The following IGF1R variants were observed in gnomAD, a reference collection of about 807,000 sequenced individuals.
The protein encoded by IGF1R is insulin-like growth factor 1 receptor.
IGF1R carries 44 observed loss-of-function variants against 144.6 expected under a neutral mutation model. That is an observed-to-expected ratio of 0.30 (90% CI 0.24 to 0.39). The LOEUF is 0.39. Among genes scored for constraint, IGF1R ranks in the 10% least tolerant of loss-of-function variants. IGF1R has a pLI of 1.00. For missense variants in IGF1R, 1,355 were observed against 1,833.7 expected, an observed-to-expected ratio of 0.74 and a Z score of 4.77; for synonymous variants, 795 against 722.8, an observed-to-expected ratio of 1.10 and a Z score of -1.60.
intron 2 of IGF1R, among the ~76,000 whole-genome samples, chr15:98,779,030 T>A (rs544998506): frequency 8.5e-5 from 13 of 152,346 alleles, no homozygotes; most frequent in African/African-American, 2.9e-4. Context: ...AGATTAAAAA[T>A]TATGTTTTAT....
intron 2 of IGF1R, among the ~76,000 whole-genome samples, chr15:98,752,082 G>C (rs1370661618): frequency 6.6e-6 from 1 of 152,184 alleles, no homozygotes; most frequent in Non-Finnish European, 1.5e-5. Context: ...GGTTCTTTGC[G>C]TGCTGAGTTG....
chr15:98,650,372 C>A (rs189445337), intron 1 of IGF1R, among the ~76,000 whole-genome samples: 37 of 152,290 alleles, frequency 2.4e-4, no homozygotes, highest in Admixed American at 2.2e-3. Context: ...CGGGGCTGGG[C>A]GGTGGGGTGA....
At chr15:98,799,835 T>A (rs1221363780) in intron 2 of IGF1R, among the ~76,000 whole-genome samples, 1 of 152,174 alleles carries the variant, frequency 6.6e-6, no homozygotes, top group African/African-American at 2.4e-5. Flanking sequence ...CGAAGCCTTG[T>A]GTTTTGCAAG....
At chr15:98,888,496 C>G (rs904134552) in intron 2 of IGF1R, among the ~76,000 whole-genome samples, 21 of 150,298 alleles carry the variant, frequency 1.4e-4, no homozygotes, top group Admixed American at 8.0e-4. Flanking sequence ...TTTGTACATT[C>G]AAATTTGTGT....
At chr15:98,899,278 T>C (rs1182897794) in intron 4 of IGF1R, among the ~76,000 whole-genome samples, 199 bp from the exon 5 acceptor site, 3 of 152,200 alleles carry the variant, frequency 2.0e-5, no homozygotes, top group Non-Finnish European at 4.4e-5. Flanking sequence ...TTCCCCTGCC[T>C]GGGAGGCCTC....
rs2151739162 is a variant in IGF1R at position 98,957,506 on chromosome 15, G to A, written c.*64G>A. 3.1e-6 allele frequency: 5 copies of A among 1,602,074 alleles called. No homozygotes were observed. In the East Asian group the frequency reaches 8.9e-5, roughly 29 times the overall value. ...GCACGCGCAGCGGGGTGGGGGGGGAGAGAGAGTTTTAACAATCCATTCACA... is the reference window on the plus strand; with the variant it reads ...GCACGCGCAGCGGGGTGGGGGGGGAAAGAGAGTTTTAACAATCCATTCACA... On this transcript the variant is annotated 3_prime_UTR_variant, in exon 21 of 21. Coordinates refer to ENST00000650285, the MANE Select transcript of IGF1R (RefSeq NM_000875.5).
chr15:98,888,011 GC>G (rs1332853371), intron 2 of IGF1R, among the ~76,000 whole-genome samples: 1 of 152,178 alleles, frequency 6.6e-6, no homozygotes, highest in African/African-American at 2.4e-5. Flanking sequence ...TAACACCCAA[GC>G]CCTTGCACCC....
intron 2 of IGF1R, among the ~76,000 whole-genome samples, chr15:98,767,813 C>T (rs997311178): frequency 3.9e-5 from 6 of 152,128 alleles, no homozygotes; most frequent in Non-Finnish European, 5.9e-5. Context: ...CTGCTGGTGC[C>T]GGTAGGACAG....
Position 98,708,011 on chromosome 15 carries a change from T to C in IGF1R, c.544T>C (p.Cys182Arg). ...GCCCCCAAAGGAATGTGGGGACCTG[T>C]GTCCAGGGACCATGGAGGAGAAGCC... is the stretch of plus-strand genomic sequence containing the variant. ...NKPPKECGDL[C>R]PGTMEEKPMC... is the part of the protein sequence containing the mutation. The change falls in exon 2 of 21, where the codon TGT becomes CGT. Residue 182 changes from cysteine to arginine, a missense_variant. Physicochemically the swap from Cys to Arg is radical, Grantham distance 180. Around this residue, in one of 7 missense-constraint regions of IGF1R, gnomAD observed 880 missense variants for 1,202.7 expected, o/e 0.73. Coordinates refer to ENST00000650285, the MANE Select transcript of IGF1R (RefSeq NM_000875.5). 1 of 1,614,132 alleles carries C rather than the reference T, an allele frequency of 6.2e-7. No individual in the cohort carries two copies. The highest frequency in any genetic ancestry group is 8.5e-7 in the Non-Finnish European group (1 of 1,179,982).
rs544024149 is a variant in IGF1R, at chr15:98,704,650, A to T, written c.95-2912A>T. ...GTCATGTGTCCGCTGCACACCAAGT[A>T]CTGTTTTAGGCACTGGTGATATAAT... On this transcript the variant is annotated intron_variant, in intron 1 of 20. Coordinates refer to ENST00000650285, the MANE Select transcript of IGF1R (RefSeq NM_000875.5). This position sits in a 1 kb window ranked among gnomAD's most constrained non-coding sequence, Gnocchi z 4.9. Among the ~76,000 whole-genome samples the T allele has an allele frequency of 6.6e-6, 1 of 152,296 alleles. No homozygotes were observed. The highest frequency in any genetic ancestry group is 2.1e-4 in the South Asian group (1 of 4,818).
intron 2 of IGF1R, among the ~76,000 whole-genome samples, chr15:98,887,650 G>A (rs1431150500): frequency 2.6e-5 from 4 of 152,210 alleles, no homozygotes. Flanking sequence ...TCCAAGATGG[G>A]TGTATGCTTA....
At position 98,770,762 on chromosome 15, in the gene IGF1R, T is replaced by A. The variant is rs11247371; in HGVS notation, c.640+62655T>A. Among the ~76,000 whole-genome samples the A allele has an allele frequency of 5.3e-5, 8 of 152,090 alleles. No individual in the cohort carries two copies. In the South Asian group the frequency reaches 1.5e-3, roughly 28 times the overall value. On this transcript the variant is annotated intron_variant, in intron 2 of 20. Coordinates refer to ENST00000650285, the MANE Select transcript of IGF1R (RefSeq NM_000875.5). The stretch of plus-strand genomic sequence containing the variant: ...TGTCTCTCAGGTCCCTCCCGCTCCC[T>A]GCCGTGTCCTGGTTCTACTTGCCGG...
At chr15:98,685,667 G>A (rs773111659) in intron 1 of IGF1R, among the ~76,000 whole-genome samples, 2 of 152,200 alleles carry the variant, frequency 1.3e-5, no homozygotes, top group African/African-American at 2.4e-5. Flanking sequence ...GCCCCTGGTG[G>A]TGCTTCCTCC....
chr15:98,681,420 G>T (rs1411991143), intron 1 of IGF1R, among the ~76,000 whole-genome samples: 1 of 152,178 alleles, frequency 6.6e-6, no homozygotes, highest in Non-Finnish European at 1.5e-5. Context: ...ATGGGTGCAG[G>T]TAATGGGTAG....
At chr15:98,840,816 G>A (rs1285191722) in intron 2 of IGF1R, among the ~76,000 whole-genome samples, 1 of 152,018 alleles carries the variant, frequency 6.6e-6, no homozygotes, top group Non-Finnish European at 1.5e-5. Context: ...GACTAGCTGG[G>A]ATTACAGCTG....
At chr15:98,847,196 C>G (rs141034503) in intron 2 of IGF1R, among the ~76,000 whole-genome samples, 1 of 152,108 alleles carries the variant, frequency 6.6e-6, no homozygotes, top group Admixed American at 6.5e-5. Flanking sequence ...AGGCTGGTCT[C>G]GAACTCCTGA....
chr15:98,939,451 C>G (rs1231596516), intron 18 of IGF1R, 91 bp downstream of exon 18: 36 of 1,226,128 alleles, frequency 2.9e-5, no homozygotes, highest in Non-Finnish European at 4.0e-5. Flanking sequence ...GAGAGGTTTT[C>G]TAGTGTGTCC....
At chr15:98,836,033 T>C (rs886069916) in intron 2 of IGF1R, among the ~76,000 whole-genome samples, 2 of 152,184 alleles carry the variant, frequency 1.3e-5, no homozygotes, top group African/African-American at 4.8e-5. Context: ...TCCATCACTC[T>C]CCATTCAGTT....
At chr15:98,745,045 C>T (rs1356130486) in intron 2 of IGF1R, among the ~76,000 whole-genome samples, 1 of 152,062 alleles carries the variant, frequency 6.6e-6, no homozygotes, top group African/African-American at 2.4e-5. Flanking sequence ...CTTTTTTAGC[C>T]TAGTAGAATT....
Sources: gnomAD v4.1 joint callset for allele counts (sites outside exome capture counted in the v4.1 genomes callset) on GRCh38, gnomAD v4.1.1 for gene constraint, gnomAD v4.1.1 regional missense constraint, Gnocchi (gnomAD v3.1) non-coding constraint, MANE v1.5 for transcripts, NCBI Gene and HGNC (gene_info 2026-07-23, HGNC 2026-07-21) for gene names.